CECR2: variants seen among roughly 807,000 people sequenced by gnomAD.
CECR2 encodes CECR2 histone acetyl-lysine reader, also known as chromatin remodeling regulator CECR2.
Under a neutral mutation model 154.5 loss-of-function variants are expected in CECR2, and 30 were observed. The ratio of observed to expected loss-of-function variants is 0.19; its 90% confidence interval spans 0.15 to 0.26. CECR2 has a LOEUF of 0.26. CECR2 is among the 10% of genes least tolerant of loss of function. The pLI is 1.00. For missense variants in CECR2, 1,743 were observed against 1,829.3 expected, an observed-to-expected ratio of 0.95 and a Z score of 0.86; for synonymous variants, 725 against 683.7, an observed-to-expected ratio of 1.06 and a Z score of -0.94.
At chr22:17,401,750 T>C (rs1022906226) in intron 1 of CECR2, among the ~76,000 whole-genome samples, 4 of 152,192 alleles carry the variant, frequency 2.6e-5, no homozygotes, top group Non-Finnish European at 5.9e-5. Context: ...TACCATTCTT[T>C]AGACACATGC....
chr22:17,534,465 A>T (rs2056406793), intron 9 of CECR2, among the ~76,000 whole-genome samples: 1 of 152,128 alleles, frequency 6.6e-6, no homozygotes, highest in Non-Finnish European at 1.5e-5. Flanking sequence ...AGCAAAAACC[A>T]TAAGGAAAGA....
intron 2 of CECR2, among the ~76,000 whole-genome samples, chr22:17,490,151 G>C (rs1488547764): frequency 6.7e-6 from 1 of 150,188 alleles, no homozygotes; most frequent in African/African-American, 2.5e-5. Context: ...TTTTTTTTGT[G>C]TGTGTGTGTG....
intron 9 of CECR2, among the ~76,000 whole-genome samples, chr22:17,529,300 T>TGGAGC (rs2056315304): frequency 6.6e-6 from 1 of 151,918 alleles, no homozygotes; most frequent in African/African-American, 2.4e-5. Flanking sequence ...CCGGCGCGGC[T>TGGAGC]GGAGCGGAGC....
In CECR2 at chr22:17,541,946, G is replaced by A. The variant is rs1341791915; in HGVS notation, c.1992G>A (p.Gln664=). 2 of 1,613,862 alleles carry A rather than the reference G, an allele frequency of 1.2e-6. No individual in the cohort carries two copies. The highest frequency in any genetic ancestry group is 1.7e-6 in the Non-Finnish European group (2 of 1,179,824). Residue 664 remains glutamine, a synonymous_variant, in exon 15 of 19, where the codon CAG becomes CAA. Transcript: ENST00000262608. ...CACACCCCGGGGAGCCTGTGCAGCAGCGTCAGCCTTTCACCATGCAGGTAA... is the reference window on the plus strand; with the variant it reads ...CACACCCCGGGGAGCCTGTGCAGCAACGTCAGCCTTTCACCATGCAGGTAA... ...PEPHPGEPVQ[Q]RQPFTMQPPV... is the part of the protein sequence containing the mutation.
Position 17,539,043 on chromosome 22 carries a change from C to T in CECR2, c.1419C>T (p.Tyr473=). 1 of 1,613,770 alleles carries T rather than the reference C, an allele frequency of 6.2e-7. No individual in the cohort carries two copies. Among genetic ancestry groups the T allele is most frequent in the Non-Finnish European group, 8.5e-7 (1 of 1,179,750 alleles). ...AGAAGAAACTGAATGGAGGTTTATA[C>T]TGTACCAAGGAGGAATTTGTAAATG... ...SMEKKLNGGL[Y]CTKEEFVNDM... The change falls in exon 13 of 19, where the codon TAC becomes TAT. Residue 473 remains tyrosine, a synonymous_variant. Coordinates refer to ENST00000262608, the MANE Select transcript of CECR2 (RefSeq NM_001290047.2).
At chr22:17,437,938 G>T (rs935938750) in intron 1 of CECR2, among the ~76,000 whole-genome samples, 8 of 152,146 alleles carry the variant, frequency 5.3e-5, no homozygotes, top group South Asian at 2.1e-4. Context: ...AGTTTAAAAG[G>T]ACAAAGTTTC....
At position 17,548,013 on chromosome 22, in the gene CECR2, G is replaced by A. The variant is rs967974614; in HGVS notation, c.2861-135G>A. 1.5e-5 allele frequency: 12 copies of A among 796,744 alleles called. No homozygotes were observed. The Admixed American group carries it at 1.7e-4, about 12-fold the overall frequency. 49.4% of individuals were successfully genotyped at this position (796,744 alleles called of 1,614,324 possible). ...ACCCCAATGTCCTGCCCTCTTTCAG[G>A]GACTCAAACAATTTCCAGGTGGGGC... On this transcript the variant is annotated intron_variant, in intron 16 of 18. Transcript: ENST00000262608.
intron 1 of CECR2, among the ~76,000 whole-genome samples, chr22:17,472,857 C>G (rs1329926896): frequency 6.6e-6 from 1 of 152,174 alleles, no homozygotes; most frequent in African/African-American, 2.4e-5. Flanking sequence ...ACTTGACTGT[C>G]TCCAGTCTGG....
At chr22:17,414,475 C>G (rs535317152) in intron 1 of CECR2, among the ~76,000 whole-genome samples, 6 of 141,092 alleles carry the variant, frequency 4.3e-5, no homozygotes, top group South Asian at 4.4e-4. Flanking sequence ...TTTTTTAGAA[C>G]GAAACCCATT....
chr22:17,411,657 T>G (rs1276786600), intron 1 of CECR2, among the ~76,000 whole-genome samples: 3 of 152,222 alleles, frequency 2.0e-5, no homozygotes, highest in Non-Finnish European at 4.4e-5. Flanking sequence ...GGTCCTTGTT[T>G]TTGTTTTTTA....
chr22:17,444,000 A>G (rs2054621298), intron 1 of CECR2, among the ~76,000 whole-genome samples: 1 of 152,210 alleles, frequency 6.6e-6, no homozygotes, highest in African/African-American at 2.4e-5. Flanking sequence ...CCACTAAAAC[A>G]TTAATTAAAC....
intron 1 of CECR2, chr22:17,419,776 A>T: frequency 3.4e-6 from 1 of 293,244 alleles, no homozygotes; most frequent in South Asian, 7.3e-5. Context: ...GATGGGGATA[A>T]CAGAGAGGCA....
upstream of CECR2, among the ~76,000 whole-genome samples, chr22:17,366,539 T>C (rs1344345389): frequency 6.6e-6 from 1 of 152,016 alleles, no homozygotes; most frequent in Non-Finnish European, 1.5e-5. Flanking sequence ...GGTGAAAGAA[T>C]GGGCCAGGCT....
At chr22:17,493,020 G>A (rs1476199885) in intron 2 of CECR2, among the ~76,000 whole-genome samples, 1 of 151,970 alleles carries the variant, frequency 6.6e-6, no homozygotes, top group African/African-American at 2.4e-5. Context: ...CGCCCAGGCT[G>A]GAGTGCAGTG....
rs1228837216 is a variant in CECR2 at position 17,490,520 on chromosome 22, C to T, written c.222-6883C>T. Among the ~76,000 whole-genome samples, 8 of 152,020 alleles carry T rather than the reference C, an allele frequency of 5.3e-5. 1 individual carries two copies. In the South Asian group the frequency reaches 8.3e-4, roughly 16 times the overall value. On this transcript the variant is annotated intron_variant, in intron 2 of 18. Transcript: ENST00000262608. ...TGTGATCTCAGCTCACTGCAACCTC[C>T]GCCTCCTGAGTGCAAGCAATTCTCC... is the stretch of plus-strand genomic sequence containing the variant.
chr22:17,378,237 C>T (rs1265549207), intron 1 of CECR2, among the ~76,000 whole-genome samples: 1 of 150,622 alleles, frequency 6.6e-6, no homozygotes, highest in Non-Finnish European at 1.5e-5. Context: ...CCCGCCTTGG[C>T]CTCCCAAAGT....
At chr22:17,483,545 G>C (rs2055366324) in intron 2 of CECR2, among the ~76,000 whole-genome samples, 1 of 152,114 alleles carries the variant, frequency 6.6e-6, no homozygotes, top group South Asian at 2.1e-4. Flanking sequence ...GGAGTTGGAG[G>C]CTGCAGTGAG....
chr22:17,488,807 C>T (rs1297726517), intron 2 of CECR2, among the ~76,000 whole-genome samples: 1 of 152,152 alleles, frequency 6.6e-6, no homozygotes, highest in Non-Finnish European at 1.5e-5. Context: ...AATTTCATTT[C>T]TCTTGGGAAT....
rs768847592 is a variant in CECR2 at position 17,414,400 on chromosome 22, AAAGTT to A, written c.126+44493_126+44497del. Among the ~76,000 whole-genome samples, 16 of 151,970 alleles carry A rather than the reference AAAGTT, an allele frequency of 1.1e-4. No homozygotes were observed. The South Asian group carries it at 3.3e-3, about 32-fold the overall frequency. On this transcript the variant is annotated intron_variant, in intron 1 of 18. Coordinates refer to ENST00000262608, the MANE Select transcript of CECR2 (RefSeq NM_001290047.2). ...CTAAGTTGGCAAATTATATACCTAA[AAAGTT>A]AGAGTAGATTTAAAGTTATTTTTGT...
Sources: allele counts gnomAD v4.1 joint callset (sites outside exome capture counted in the v4.1 genomes callset), GRCh38; gene constraint gnomAD v4.1.1; transcripts MANE v1.5; gene names NCBI Gene and HGNC (gene_info 2026-07-23, HGNC 2026-07-21).